The following C10orf105 variants were observed in gnomAD, a reference collection of about 807,000 sequenced individuals.
C10orf105 encodes the protein chromosome 10 open reading frame 105.
A neutral mutation model predicts 0.6 loss-of-function variants in C10orf105; 2 were observed. The ratio of observed to expected loss-of-function variants is 3.18; its 90% CI spans 1.30 to 10.01. The LOEUF (loss-of-function observed/expected upper bound fraction) is 10.01, where lower values mean the gene tolerates loss of function less well. Ranked by LOEUF, C10orf105 falls within the 30% of genes most tolerant of loss-of-function variation. C10orf105 has a pLI of 0.04. For synonymous variants in C10orf105, 95 were observed against 82.4 expected (o/e 1.15, Z -0.83); for missense variants, 209 against 191.4 (o/e 1.09, Z -0.54).
chr10:71,732,035 A>G (rs372158876), intron 1 of C10orf105: 2 of 1,613,998 alleles, frequency 1.2e-6, no homozygotes, highest in Non-Finnish European at 1.7e-6. Flanking sequence ...GCAGAGGGGA[A>G]GTTTGAGATT....
chr10:71,719,596 A>C (rs1866452487), intron 1 of C10orf105, 31 bp downstream of exon 1: 1 of 153,014 alleles, frequency 6.5e-6, no homozygotes, highest in Non-Finnish European at 1.5e-5. Context: ...TCCCTCTCCA[A>C]GCCTTCTCCT....
Position 71,714,727 on chromosome 10 carries a change from T to G in C10orf105, c.*1209A>C, listed in dbSNP as rs1866133086. The G allele has an allele frequency of 6.6e-6, 1 of 152,090 alleles. No homozygotes were observed. The highest frequency in any genetic ancestry group is 2.1e-4 in the South Asian group (1 of 4,830). The allele number at this position is 152,090 out of a possible 1,614,324, so 9.4% of individuals were successfully genotyped here. A position where few individuals can be genotyped will look rare whatever the true frequency, so the allele number is the denominator to read the frequency against. Reference sequence around the variant, plus strand: ...CAGTGAAGGTTTTGGAGCTGGGGAGTGGCAAGCCAGAGCTCACTCCTTGGG... The same window carrying G: ...CAGTGAAGGTTTTGGAGCTGGGGAGGGGCAAGCCAGAGCTCACTCCTTGGG... On this transcript the variant is annotated 3_prime_UTR_variant, in exon 2 of 2. Transcript: ENST00000441508.
Position 71,716,205 on chromosome 10 carries a change from T to G in C10orf105, c.133A>C (p.Ile45Leu). 1.3e-6 allele frequency: 2 copies of G among 1,551,104 alleles called. No homozygotes were observed. The highest frequency in any genetic ancestry group is 1.7e-6 in the Non-Finnish European group (2 of 1,146,794). The change falls in exon 2 of 2, where the codon ATC (isoleucine) becomes CTC (leucine). Residue 45 changes from isoleucine (I) to leucine (L), a missense_variant. Coordinates refer to ENST00000441508, the MANE Select transcript of C10orf105 (RefSeq NM_001164375.3). The stretch of plus-strand genomic sequence containing the variant: ...AGACAGGTGGCCAGCAGGAGGAAGA[T>G]GCAGGCCAGGGCGATGAGCATGGGG... ...PLPMLIALAC[I>L]FLLLATCLLF...
upstream of C10orf105, chr10:71,724,228 C>T (rs928748967): frequency 2.0e-6 from 2 of 990,648 alleles, no homozygotes; most frequent in Admixed American, 2.2e-5. Flanking sequence ...ATACATGGGG[C>T]GAGGCCAGAG....
Position 71,713,667 on chromosome 10 carries a change from G to T in C10orf105, c.*2269C>A. ...GAAGGAGGAAGTAGAGGGTTCTCTC[G>T]ATCAGGGCCTCAGCTTGTGAGGACT... On this transcript the variant is annotated 3_prime_UTR_variant, in exon 2 of 2. Transcript: ENST00000441508. 4.2e-6 allele frequency: 1 copy of T among 239,442 alleles called. No individual in the cohort carries two copies. Among genetic ancestry groups the T allele is most frequent in the Non-Finnish European group, 8.3e-6 (1 of 120,080 alleles). 14.8% of individuals were successfully genotyped at this position (239,442 alleles called of 1,614,324 possible).
chr10:71,734,941 C>T (rs1038277603), intron 1 of C10orf105, among the ~76,000 whole-genome samples: 1 of 152,234 alleles, frequency 6.6e-6, no homozygotes, highest in Non-Finnish European at 1.5e-5. Flanking sequence ...ACTGAGGGCT[C>T]ATCCCAGCTC....
At chr10:71,735,439 T>C (rs1324776942) in intron 1 of C10orf105, among the ~76,000 whole-genome samples, 1 of 152,018 alleles carries the variant, frequency 6.6e-6, no homozygotes, top group Admixed American at 6.5e-5. Context: ...GGGGTTGCAA[T>C]GGGAGTGGGT....
chr10:71,734,082 G>C (rs1338185702), intron 1 of C10orf105, among the ~76,000 whole-genome samples: 1 of 152,266 alleles, frequency 6.6e-6, no homozygotes, highest in East Asian at 1.9e-4. Context: ...TGGCTTCCCA[G>C]TGGAATGTGA....
chr10:71,716,662 A>C (rs1866258911), intron 1 of C10orf105: 1 of 255,996 alleles, frequency 3.9e-6, no homozygotes, highest in Non-Finnish European at 7.4e-6. Context: ...ACAGGGTCTT[A>C]GGCCTGGAAA....
chr10:71,724,085 T>G (rs1285993033), upstream of C10orf105: 1 of 1,559,680 alleles, frequency 6.4e-7, no homozygotes, highest in East Asian at 2.4e-5. Flanking sequence ...TTTGGGCGTG[T>G]GTGGTACCGC....
chr10:71,718,002 T>C (rs764712028), intron 1 of C10orf105: 1 of 152,254 alleles, frequency 6.6e-6, no homozygotes, highest in Non-Finnish European at 1.5e-5. Context: ...ATGTGTGATA[T>C]TTAAATTCTA....
rs1024574615 is a variant in C10orf105, at chr10:71,712,390, C to T, written c.*3546G>A. The T allele has an allele frequency of 2.6e-6, 1 of 380,366 alleles. No individual in the cohort carries two copies. The highest frequency in any genetic ancestry group is 2.0e-5 in the African/African-American group (1 of 49,840). 23.6% of individuals were successfully genotyped at this position (380,366 alleles called of 1,614,324 possible). On this transcript the variant is annotated 3_prime_UTR_variant, in exon 2 of 2. Coordinates refer to ENST00000441508, the MANE Select transcript of C10orf105 (RefSeq NM_001164375.3). ...CACTTGAGTGCCTCAGTTACCTCCT[C>T]TGTAAAATGGGGATGACAGTAAAGT...
upstream of C10orf105, chr10:71,723,953 G>A: frequency 7.1e-7 from 1 of 1,408,958 alleles, no homozygotes; most frequent in Admixed American, 2.0e-5. Context: ...GATGGGGTAG[G>A]ATGCGTGAAG....
chr10:71,733,113 G>A (rs1016220326), intron 1 of C10orf105, among the ~76,000 whole-genome samples: 4 of 152,186 alleles, frequency 2.6e-5, no homozygotes, highest in East Asian at 1.9e-4. Flanking sequence ...CCACAAGTTC[G>A]ATGAATTTGC....
intron 1 of C10orf105, among the ~76,000 whole-genome samples, chr10:71,718,701 A>G (rs570944261): frequency 2.6e-5 from 4 of 152,334 alleles, no homozygotes; most frequent in South Asian, 2.1e-4. Context: ...AAGGCCTTCA[A>G]AGGAATCTGG....
Position 71,716,314 on chromosome 10 carries a change from G to T in C10orf105, c.24C>A (p.Leu8=). 6.7e-7 allele frequency: 1 copy of T among 1,501,686 alleles called. No individual in the cohort carries two copies. Among genetic ancestry groups the T allele is most frequent in the Non-Finnish European group, 8.9e-7 (1 of 1,119,902 alleles). The allele number at this position is 1,501,686 out of a possible 1,614,324, so 93.0% of individuals were successfully genotyped here. A position where few individuals can be genotyped will look rare whatever the true frequency, so the allele number is the denominator to read the frequency against. The change falls in exon 2 of 2, where the codon CTC becomes CTA. Residue 8 remains leucine (L), a synonymous_variant. Transcript: ENST00000441508. MSTEGPS[L]ASSPAISPLA... ...GGGGGCTGATGGCTGGGGAGCTGGCGAGGCTGGGGCCCTCTGTGCTCATGG... is the reference window on the plus strand; with the variant it reads ...GGGGGCTGATGGCTGGGGAGCTGGCTAGGCTGGGGCCCTCTGTGCTCATGG...
At chr10:71,737,798 C>G (rs1336486013) in exon 1 of C10orf105, 1 of 466,846 alleles carries the variant, frequency 2.1e-6, no homozygotes, top group Non-Finnish European at 4.4e-6. Flanking sequence ...GGCCTTCACT[C>G]TCCTGCCTCT....
chr10:71,734,271 G>A lies in C10orf105; in HGVS notation c.-6+3457C>T, dbSNP rs767004225. 4.0e-5 allele frequency: 64 copies of A among 1,612,022 alleles called. No homozygotes were observed. Among genetic ancestry groups the A allele is most frequent in the South Asian group, 1.1e-4 (10 of 90,504 alleles). The stretch of plus-strand genomic sequence containing the variant: ...ATCACAGTCCAGGGCCTGGTGGACC[G>A]TGAGAAGGGCGACTTCTATACCTTG... On this transcript the variant is annotated intron_variant, in intron 1 of 1. Coordinates refer to the C10orf105 transcript ENST00000398786.
rs199690992 is a variant in C10orf105, at chr10:71,718,827, G to T, written c.-6+800C>A. On this transcript the variant is annotated intron_variant, in intron 1 of 1. Coordinates refer to ENST00000441508, the MANE Select transcript of C10orf105 (RefSeq NM_001164375.3). The stretch of plus-strand genomic sequence containing the variant: ...CTCACCTGTAATCCCAGCACTTTGG[G>T]AGGCCAAGGCAGGAGGATCACTTGA... Among the ~76,000 whole-genome samples the T allele has an allele frequency of 1.4e-4, 21 of 152,240 alleles. No homozygotes were observed. In the East Asian group the frequency reaches 4.1e-3, roughly 29 times the overall value.
Sources: allele counts gnomAD v4.1 joint callset (sites outside exome capture counted in the v4.1 genomes callset), GRCh38; gene constraint gnomAD v4.1.1; transcripts MANE v1.5; gene names NCBI Gene and HGNC (gene_info 2026-07-23, HGNC 2026-07-21).